AFF2: variants seen among roughly 807,000 people sequenced by gnomAD.
The protein encoded by AFF2 is AF4/FMR2 family member 2.
In AFF2, 14 loss-of-function variants were observed where a neutral mutation model predicts 76.9. The observed-to-expected ratio is 0.18, with a 90% CI of 0.12 to 0.28. The LOEUF is 0.28. Among genes scored for constraint, AFF2 ranks in the 10% least tolerant of loss-of-function variants. The probability of loss-of-function intolerance (pLI) is 1.00; values close to 1 mark genes in which losing one functional copy is unlikely to be tolerated. For synonymous variants in AFF2, 398 were observed against 366.7 expected, an observed-to-expected ratio of 1.09 and a Z score of -0.98; for missense variants, 868 against 1,001.1, an observed-to-expected ratio of 0.87 and a Z score of 1.79.
chrX:148,899,490 T>A (rs1346193643), intron 8 of AFF2, among the ~76,000 whole-genome samples: 3 of 111,697 alleles, frequency 2.7e-5, no homozygotes, highest in African/African-American at 6.5e-5. Flanking sequence ...TGAAAAAAAA[T>A]TAAATCCAAA....
chrX:148,707,250 T>C (rs782151950), intron 3 of AFF2, among the ~76,000 whole-genome samples: 1 of 111,453 alleles, frequency 9.0e-6, no homozygotes, highest in Admixed American at 9.6e-5. Flanking sequence ...TAAATACATA[T>C]TTTTGAGGAG....
At chrX:148,719,339 T>C in intron 3 of AFF2, 1 of 564,341 alleles carries the variant, frequency 1.8e-6, no homozygotes, top group South Asian at 3.3e-5. Flanking sequence ...GGTATTTCCT[T>C]TGGCTTAAAG....
intron 9 of AFF2, among the ~76,000 whole-genome samples, chrX:148,915,905 T>C (rs1263756026): frequency 8.9e-6 from 1 of 112,455 alleles, no homozygotes; most frequent in Non-Finnish European, 1.9e-5. Flanking sequence ...TGAAACAAGA[T>C]TGTACAGGAG....
intron 1 of AFF2, among the ~76,000 whole-genome samples, chrX:148,574,614 C>A (rs782040550): frequency 9.0e-6 from 1 of 111,292 alleles, no homozygotes; most frequent in African/African-American, 3.3e-5. Flanking sequence ...GAGGATCTTA[C>A]TTCTGGAGGC....
chrX:148,881,058 T>C (rs2071090049), intron 7 of AFF2, among the ~76,000 whole-genome samples: 1 of 112,063 alleles, frequency 8.9e-6, no homozygotes, highest in Non-Finnish European at 1.9e-5. Flanking sequence ...GAAGAGTACA[T>C]CTGAGAATCA....
intron 1 of AFF2, among the ~76,000 whole-genome samples, chrX:148,521,297 C>A (rs1603229368): frequency 9.2e-6 from 1 of 108,614 alleles, no homozygotes; most frequent in African/African-American, 3.4e-5. Context: ...TATTCAAATT[C>A]ATGGTACATT....
chrX:148,927,847 A>G (rs1360527327), intron 9 of AFF2, among the ~76,000 whole-genome samples: 2 of 111,949 alleles, frequency 1.8e-5, no homozygotes, highest in African/African-American at 6.5e-5. Flanking sequence ...ATAAAACAAC[A>G]TTGGGGAAGG....
chrX:148,719,286 G>A, intron 3 of AFF2: 1 of 924,543 alleles, frequency 1.1e-6, no homozygotes, highest in African/African-American at 1.9e-5. Flanking sequence ...GGCTTAACAA[G>A]TAGCTTTTCT....
At chrX:148,792,985 A>G (rs913820766) in intron 3 of AFF2, among the ~76,000 whole-genome samples, 6 of 112,143 alleles carry the variant, frequency 5.4e-5, no homozygotes, top group African/African-American at 1.9e-4. Context: ...CCAGAAATTA[A>G]TAAGTACTAT....
At chrX:148,721,056 A>G (rs2055085984) in intron 3 of AFF2, among the ~76,000 whole-genome samples, 1 of 112,008 alleles carries the variant, frequency 8.9e-6, no homozygotes, top group Non-Finnish European at 1.9e-5. Context: ...AGGGTTTATA[A>G]CATGTCTGTC....
chrX:148,812,744 C>G (rs782237378), intron 4 of AFF2, among the ~76,000 whole-genome samples: 1 of 111,350 alleles, frequency 9.0e-6, no homozygotes, highest in East Asian at 2.8e-4. Flanking sequence ...CACTCTCAGC[C>G]CCTCAATCCT....
intron 9 of AFF2, among the ~76,000 whole-genome samples, chrX:148,938,035 G>T (rs190542715): frequency 3.0e-3 from 336 of 112,118 alleles, no homozygotes; most frequent in Non-Finnish European, 5.0e-3. Context: ...GTTAAAGCAT[G>T]GAGCATAATT....
At chrX:148,640,023 G>A (rs1303778130) in intron 1 of AFF2, among the ~76,000 whole-genome samples, 1 of 112,335 alleles carries the variant, frequency 8.9e-6, no homozygotes, top group African/African-American at 3.2e-5. Flanking sequence ...ATATTAAACT[G>A]CAAGGCATTG....
intron 3 of AFF2, among the ~76,000 whole-genome samples, chrX:148,705,186 T>A (rs35820790): frequency 3.6e-5 from 4 of 112,296 alleles, no homozygotes; most frequent in Non-Finnish European, 7.5e-5. Flanking sequence ...ATAGATCATT[T>A]ATTATATTCA....
chrX:148,967,552 G>T, intron 14 of AFF2, 77 bp from the exon 15 acceptor site: 1 of 951,032 alleles, frequency 1.1e-6, no homozygotes, highest in Non-Finnish European at 1.5e-6. Context: ...ATTTATAGCA[G>T]AAAAGGTTTG....
chrX:148,530,287 C>CAATATATGG (rs1293796411), intron 1 of AFF2, among the ~76,000 whole-genome samples: 1 of 111,729 alleles, frequency 9.0e-6, no homozygotes, highest in African/African-American at 3.3e-5. Flanking sequence ...AGCAGATACT[C>CAATATATGG]AATATATGGT....
intron 3 of AFF2, among the ~76,000 whole-genome samples, chrX:148,806,619 A>G (rs1220958141): frequency 8.9e-6 from 1 of 112,061 alleles, no homozygotes; most frequent in Non-Finnish European, 1.9e-5. Context: ...CATCCTGAGC[A>G]CAGTGTGAGC....
chrX:148,559,976 G>C lies in AFF2; in HGVS notation c.47+58832G>C, dbSNP rs139177872. ...TTTTTAATGATTGCCATTCTAACTG[G>C]TATGAGATGGTATCTCATTGTGGTT... On this transcript the variant is annotated intron_variant, in intron 1 of 20. Coordinates refer to ENST00000370460, the MANE Select transcript of AFF2 (RefSeq NM_002025.4). 9.6e-4 allele frequency among the ~76,000 whole-genome samples: 107 copies of C among 111,848 alleles called. 1 individual carries two copies. Among genetic ancestry groups the C allele is most frequent in the African/African-American group, 3.3e-3 (101 of 30,803 alleles).
chrX:148,956,895 C>T (rs1245646175), intron 11 of AFF2, among the ~76,000 whole-genome samples: 5 of 113,071 alleles, frequency 4.4e-5, no homozygotes, highest in East Asian at 2.8e-4. Flanking sequence ...AGGCAAGGCA[C>T]GCAAGTGCCC....
Sources: gnomAD v4.1 joint callset for allele counts (sites outside exome capture counted in the v4.1 genomes callset) on GRCh38, gnomAD v4.1.1 for gene constraint, MANE v1.5 for transcripts, NCBI Gene and HGNC (gene_info 2026-07-23, HGNC 2026-07-21) for gene names.